The following DNAH10 variants were observed in gnomAD, a reference collection of about 807,000 sequenced individuals.
DNAH10 encodes axonemal beta dynein heavy chain 10.
A neutral mutation model predicts 506.6 loss-of-function variants in DNAH10; 348 were observed. The ratio of observed to expected loss-of-function variants is 0.69; its 90% CI spans 0.63 to 0.75. The LOEUF is 0.75. Ranked by LOEUF, DNAH10 falls within the 30% of genes least tolerant of loss-of-function variation. The pLI is 0.00. For synonymous variants in DNAH10, 2,059 were observed against 2,198.6 expected (o/e 0.94, Z 1.78); for missense variants, 5,179 against 5,787.1 (o/e 0.89, Z 3.41).
chr12:123,799,496 G>A (rs1465457333), intron 14 of DNAH10, 125 bp downstream of exon 14: 7 of 1,315,672 alleles, frequency 5.3e-6, no homozygotes, highest in Non-Finnish European at 7.1e-6. Flanking sequence ...AGACAAGGAA[G>A]GGCTAGGGGA....
intron 30 of DNAH10, among the ~76,000 whole-genome samples, chr12:123,842,620 C>G (rs1476981365): frequency 6.6e-6 from 1 of 152,150 alleles, no homozygotes; most frequent in African/African-American, 2.4e-5. Context: ...GATTATGATC[C>G]TGCTGTTTCC....
rs1485176267 is a variant in DNAH10, at chr12:123,933,246, T to G, written c.13297-85T>G. 2.4e-6 allele frequency: 3 copies of G among 1,272,914 alleles called. No individual in the cohort carries two copies. In the African/African-American group the frequency reaches 4.7e-5, roughly 20 times the overall value. 78.9% of individuals were successfully genotyped at this position (1,272,914 alleles called of 1,614,324 possible). ...CCACTTAGGTGAAATATGTCTTTTA[T>G]CATAAACTAAACTTCCAGGCCAGCT... On this transcript the variant is annotated intron_variant, in intron 76 of 78. Coordinates refer to ENST00000673944, the MANE Select transcript of DNAH10 (RefSeq NM_001372106.1).
chr12:123,770,974 C>CTTTTTT (rs33920942), intron 2 of DNAH10, among the ~76,000 whole-genome samples: 1,334 of 126,320 alleles, frequency 0.011, 46 homozygotes, highest in African/African-American at 0.038. Flanking sequence ...AGCTGTAATT[C>CTTTTTT]TTTTTTTTTT....
intron 11 of DNAH10, 90 bp downstream of exon 11, chr12:123,790,211 C>CT (rs35056478): frequency 0.54 from 566,438 of 1,048,910 alleles, 137,890 homozygotes; most frequent in East Asian, 0.86. Flanking sequence ...GATGCTTAGT[C>CT]TTTTTTTTTA....
chr12:123,762,506 T>A lies in DNAH10; in HGVS notation c.170T>A (p.Phe57Tyr). ...GAGGAGGAGGGGCCCTCGGCGCTCT[T>A]CATCTACCGCACTATGGTGCCGGAG... ...ASEEEGPSALFIYRTMVPEEV... is the reference protein window; with the variant it reads ...ASEEEGPSALYIYRTMVPEEV... The change falls in exon 1 of 79, where the codon TTC becomes TAC. Residue 57 changes from phenylalanine (F) to tyrosine (Y), a missense_variant. By Grantham distance (22) the Phe-to-Tyr change is conservative (BLOSUM62 3). Transcript: ENST00000673944. The surrounding 1 kb of genome is among the most constrained non-coding windows in gnomAD (Gnocchi z 5.0). 6.5e-7 allele frequency: 1 copy of A among 1,540,070 alleles called. No individual in the cohort carries two copies. Among genetic ancestry groups the A allele is most frequent in the Non-Finnish European group, 8.8e-7 (1 of 1,141,684 alleles).
At chr12:123,889,641 G>A (rs2137145260) in intron 52 of DNAH10, among the ~76,000 whole-genome samples, 1 of 152,322 alleles carries the variant, frequency 6.6e-6, no homozygotes, top group African/African-American at 2.4e-5. Flanking sequence ...AGGGCAGACA[G>A]GGAAGGCGTC....
intron 40 of DNAH10, 112 bp downstream of exon 40, chr12:123,864,842 A>G (rs1274267508): frequency 3.9e-6 from 5 of 1,267,404 alleles, no homozygotes; most frequent in South Asian, 3.2e-5. Flanking sequence ...CAAACAATGC[A>G]TAAGGGTTTA....
At chr12:123,859,048 C>T in intron 37 of DNAH10, 102 bp from the exon 38 acceptor site, 1 of 1,092,332 alleles carries the variant, frequency 9.2e-7, no homozygotes, top group Non-Finnish European at 1.3e-6. Flanking sequence ...TTGACTTGTA[C>T]CCTTTCAAAG....
At chr12:123,783,320 G>A in intron 7 of DNAH10, 56 bp downstream of exon 7, 1 of 1,598,690 alleles carries the variant, frequency 6.3e-7, no homozygotes, top group Non-Finnish European at 8.6e-7. Context: ...TACCATGCTG[G>A]GAAAGAGCCC....
In DNAH10 at chr12:123,786,673, G is replaced by GATA. The variant is rs1957865496; in HGVS notation, c.1421+737_1421+738insATA. Among the ~76,000 whole-genome samples, 8 of 514 alleles carry GATA rather than the reference G, an allele frequency of 0.016. No homozygotes were observed. In the South Asian group the frequency reaches 0.33, roughly 21 times the overall value. 0.3% of individuals were successfully genotyped at this position (514 alleles called of 152,430 possible). A position where few individuals can be genotyped will look rare whatever the true frequency, so the allele number is the denominator to read the frequency against. On this transcript the variant is annotated intron_variant, in intron 9 of 78. Transcript: ENST00000673944. Reference sequence around the variant, plus strand: ...TATATTTTGTTTCAGATACATATATGTGTGTGTGCACACACATATATCTAC... The same window carrying GATA: ...TATATTTTGTTTCAGATACATATATGATATGTGTGTGCACACACATATATCTAC...
intron 26 of DNAH10, among the ~76,000 whole-genome samples, chr12:123,831,048 A>G (rs1462051702): frequency 6.6e-6 from 1 of 152,184 alleles, no homozygotes; most frequent in African/African-American, 2.4e-5. Flanking sequence ...CCTTAATTAA[A>G]TTTTTTGTTG....
chr12:123,886,390 G>A (rs1412146462), intron 51 of DNAH10, among the ~76,000 whole-genome samples: 6 of 152,188 alleles, frequency 3.9e-5, no homozygotes, highest in African/African-American at 1.2e-4. Flanking sequence ...CTGCACTCGG[G>A]AGGGGTGAGG....
intron 40 of DNAH10, among the ~76,000 whole-genome samples, chr12:123,865,465 T>G (rs1951769265): frequency 6.6e-6 from 1 of 152,198 alleles, no homozygotes; most frequent in Non-Finnish European, 1.5e-5. Flanking sequence ...TATTTGTACA[T>G]ATTATTATCT....
intron 25 of DNAH10, among the ~76,000 whole-genome samples, chr12:123,828,080 A>G (rs1228496674): frequency 6.6e-6 from 1 of 151,872 alleles, no homozygotes; most frequent in Non-Finnish European, 1.5e-5. Context: ...TCTTCCTATC[A>G]GTTTCTTTTT....
chr12:123,867,848 G>A (rs757761776), intron 42 of DNAH10, 55 bp from the exon 43 acceptor site: 57 of 1,542,210 alleles, frequency 3.7e-5, no homozygotes, highest in Non-Finnish European at 4.9e-5. Flanking sequence ...TGACTGGAAT[G>A]GACTCTGTGG....
Position 123,775,228 on chromosome 12 carries a change from C to T in DNAH10, c.621+964C>T, listed in dbSNP as rs555968252. Among the ~76,000 whole-genome samples, 4 of 152,278 alleles carry T rather than the reference C, an allele frequency of 2.6e-5. No individual in the cohort carries two copies. The East Asian group carries it at 7.7e-4, about 29-fold the overall frequency. On this transcript the variant is annotated intron_variant, in intron 5 of 78. Transcript: ENST00000673944. ...CTCTCAAGTGATCCTTCTGCCTCAG[C>T]CTCCTGAGTGGCTGGGATTACAGGC...
At chr12:123,778,303 GA>G (rs1340126589) in intron 5 of DNAH10, among the ~76,000 whole-genome samples, 1 of 152,090 alleles carries the variant, frequency 6.6e-6, no homozygotes, top group African/African-American at 2.4e-5. Context: ...ATGTCTAAAG[GA>G]CACAGGGCTC....
chr12:123,857,351 T>G, intron 37 of DNAH10, 104 bp downstream of exon 37: 2 of 1,012,506 alleles, frequency 2.0e-6, no homozygotes, highest in Non-Finnish European at 2.7e-6. Flanking sequence ...ACGCATAAGT[T>G]TCACCATCTT....
At chr12:123,922,376 T>A (rs2137590625) in intron 65 of DNAH10, among the ~76,000 whole-genome samples, 1 of 152,154 alleles carries the variant, frequency 6.6e-6, no homozygotes, top group South Asian at 2.1e-4. Context: ...ACTCACCATT[T>A]CAGTTGGTTT....
Sources: gnomAD v4.1 joint callset for allele counts (sites outside exome capture counted in the v4.1 genomes callset) on GRCh38, gnomAD v4.1.1 for gene constraint, Gnocchi (gnomAD v3.1) non-coding constraint, MANE v1.5 for transcripts, NCBI Gene and HGNC (gene_info 2026-07-23, HGNC 2026-07-21) for gene names.